MGAT5: variants seen among roughly 807,000 people sequenced by gnomAD.
MGAT5 encodes alpha-1,6-mannosylglycoprotein 6-beta-N-acetylglucosaminyltransferase A.
Under a neutral mutation model 94.3 loss-of-function variants are expected in MGAT5, and 30 were observed. That is an observed-to-expected ratio of 0.32 (90% confidence interval 0.24 to 0.43). The LOEUF is 0.43. Among genes scored for constraint, MGAT5 ranks in the 20% least tolerant of loss-of-function variants. MGAT5 has a pLI of 1.00. For synonymous variants in MGAT5, 310 were observed against 322.9 expected, an observed-to-expected ratio of 0.96 and a Z score of 0.43; for missense variants, 691 against 905.5, an observed-to-expected ratio of 0.76 and a Z score of 3.04.
At chr2:134,161,201 C>G (rs1328905659) in intron 1 of MGAT5, among the ~76,000 whole-genome samples, 3 of 152,214 alleles carry the variant, frequency 2.0e-5, no homozygotes, top group African/African-American at 7.2e-5. Context: ...CTTAGCCTGC[C>G]TCAGGAGGGA....
rs1023104855 is a variant in MGAT5 at position 134,254,663 on chromosome 2, A to G, written c.241+19A>G. 2 of 1,613,442 alleles carry G rather than the reference A, an allele frequency of 1.2e-6. No homozygotes were observed. The highest frequency in any genetic ancestry group is 2.2e-5 in the South Asian group (2 of 91,004). ...GCTTATGGTAAGCACTGTTTCTGGG[A>G]CCTCTCCATTAAAGTGTGCCTTGGC... is the stretch of plus-strand genomic sequence containing the variant. On this transcript the variant is annotated intron_variant, in intron 1 of 15. Coordinates refer to ENST00000281923, the MANE Select transcript of MGAT5 (RefSeq NM_002410.5).
Position 134,452,988 on chromosome 2 carries a change from G to T in MGAT5, c.*4141G>T, listed in dbSNP as rs991446758. The stretch of plus-strand genomic sequence containing the variant: ...AGCAAAAGACCAAATTAGCTGTAGA[G>T]TCTTGAATGCAGAAAAAAATTACCC... On this transcript the variant is annotated 3_prime_UTR_variant, in exon 16 of 16. Transcript: ENST00000281923. 1 of 152,194 alleles carries T rather than the reference G, an allele frequency of 6.6e-6. No individual in the cohort carries two copies. Among genetic ancestry groups the T allele is most frequent in the Non-Finnish European group, 1.5e-5 (1 of 68,030 alleles). The allele number at this position is 152,194 out of a possible 1,614,324, so 9.4% of individuals were successfully genotyped here. A position where few individuals can be genotyped will look rare whatever the true frequency, so the allele number is the denominator to read the frequency against.
At chr2:134,312,600 A>G (rs1409313156) in intron 2 of MGAT5, among the ~76,000 whole-genome samples, 1 of 152,138 alleles carries the variant, frequency 6.6e-6, no homozygotes, top group African/African-American at 2.4e-5. Context: ...CTGGGCATAT[A>G]TCCTGGGAGT....
chr2:134,426,159 C>T (rs1684575744), intron 13 of MGAT5, among the ~76,000 whole-genome samples: 1 of 152,202 alleles, frequency 6.6e-6, no homozygotes, highest in Non-Finnish European at 1.5e-5. Context: ...CCTGCCTGCC[C>T]TCACCCACAG....
chr2:134,318,597 C>A, intron 3 of MGAT5, 53 bp from the exon 4 acceptor site: 1 of 1,303,222 alleles, frequency 7.7e-7, no homozygotes, highest in Non-Finnish European at 1.1e-6. Flanking sequence ...TCCCTGTCAG[C>A]AGATGTGGAG....
chr2:134,299,704 C>T (rs1685903224), intron 2 of MGAT5, among the ~76,000 whole-genome samples: 1 of 152,064 alleles, frequency 6.6e-6, no homozygotes, highest in Non-Finnish European at 1.5e-5. Context: ...TGAATTTTTT[C>T]AGATTGGATG....
intron 2 of MGAT5, 130 bp from the exon 3 acceptor site, chr2:134,317,399 G>A (rs1687054399): frequency 5.6e-6 from 3 of 531,568 alleles, no homozygotes; most frequent in Non-Finnish European, 9.6e-6. Flanking sequence ...GGGGCTCCAT[G>A]TATCAGAGCA....
At chr2:134,397,998 G>A (rs774709222) in intron 10 of MGAT5, among the ~76,000 whole-genome samples, 1 of 152,170 alleles carries the variant, frequency 6.6e-6, no homozygotes, top group Non-Finnish European at 1.5e-5. Context: ...ATTCATTATT[G>A]TATGTTTGTA....
intron 1 of MGAT5, among the ~76,000 whole-genome samples, chr2:134,122,697 T>C (rs564244751): frequency 6.6e-6 from 1 of 152,350 alleles, no homozygotes; most frequent in African/African-American, 2.4e-5. Flanking sequence ...ATCTCCTCCT[T>C]TGTTTCAGCC....
At chr2:134,312,780 A>C (rs1051543100) in intron 2 of MGAT5, among the ~76,000 whole-genome samples, 1 of 152,092 alleles carries the variant, frequency 6.6e-6, no homozygotes, top group African/African-American at 2.4e-5. Flanking sequence ...AGGTGGGCTA[A>C]ATTAGGAGGT....
chr2:134,446,494 T>C (rs1481568744), intron 15 of MGAT5, among the ~76,000 whole-genome samples: 1 of 152,152 alleles, frequency 6.6e-6, no homozygotes, highest in South Asian at 2.1e-4. Flanking sequence ...ATATGTAAAC[T>C]TGTCATTCAG....
At chr2:134,132,198 C>T (rs902546586) in intron 1 of MGAT5, among the ~76,000 whole-genome samples, 4 of 152,212 alleles carry the variant, frequency 2.6e-5, no homozygotes. Flanking sequence ...TAAGATTGTA[C>T]TTAAGTTCAA....
chr2:134,137,822 T>C (rs2104941664), intron 1 of MGAT5, among the ~76,000 whole-genome samples: 1 of 152,242 alleles, frequency 6.6e-6, no homozygotes, highest in East Asian at 1.9e-4. Context: ...ATTCTTACTG[T>C]TTAAAGATAA....
At chr2:134,249,873 T>A (rs1412691105), upstream of MGAT5, among the ~76,000 whole-genome samples, 1 of 152,268 alleles carries the variant, frequency 6.6e-6, no homozygotes, top group Non-Finnish European at 1.5e-5. Flanking sequence ...CCATTTGATA[T>A]TCCCACCAGT....
chr2:134,327,610 G>A (rs188752066), intron 4 of MGAT5, among the ~76,000 whole-genome samples: 69 of 152,214 alleles, frequency 4.5e-4, no homozygotes, highest in African/African-American at 1.4e-3. Flanking sequence ...AGAGCATTGC[G>A]CAATTTAAAA....
chr2:134,174,433 C>T (rs887648705), intron 1 of MGAT5, among the ~76,000 whole-genome samples: 3 of 152,236 alleles, frequency 2.0e-5, no homozygotes, highest in Admixed American at 1.3e-4. Context: ...CTATGCCATG[C>T]GTGGCTAGTG....
At chr2:134,224,410 A>G (rs752364540) in intron 1 of MGAT5, among the ~76,000 whole-genome samples, 5 of 152,324 alleles carry the variant, frequency 3.3e-5, no homozygotes, top group Middle Eastern at 3.4e-3. Context: ...GATATAGTCA[A>G]TGAAACACCT....
chr2:134,296,279 C>G (rs1685667854), intron 2 of MGAT5, among the ~76,000 whole-genome samples: 1 of 152,096 alleles, frequency 6.6e-6, no homozygotes. Flanking sequence ...CCATATAAAA[C>G]TAGCTGGACC....
chr2:134,282,833 C>T (rs1684774803), intron 2 of MGAT5, among the ~76,000 whole-genome samples: 1 of 152,096 alleles, frequency 6.6e-6, no homozygotes, highest in Non-Finnish European at 1.5e-5. Context: ...AGCAGAGACC[C>T]ATATTATTGA....
Sources: allele counts gnomAD v4.1 joint callset (sites outside exome capture counted in the v4.1 genomes callset), GRCh38; gene constraint gnomAD v4.1.1; transcripts MANE v1.5; gene names NCBI Gene and HGNC (gene_info 2026-07-23, HGNC 2026-07-21).